The following LRRTM4 variants were observed in gnomAD, a reference collection of about 807,000 sequenced individuals.
The protein encoded by LRRTM4 is leucine rich repeat transmembrane neuronal 4, also known as leucine-rich repeat transmembrane neuronal protein 4.
Under a neutral mutation model 47.6 loss-of-function variants are expected in LRRTM4, and 25 were observed. The observed-to-expected ratio is 0.53, with a 90% CI of 0.38 to 0.73. The LOEUF is 0.73. LRRTM4 is among the 30% of genes least tolerant of loss of function. The pLI is 0.00. For missense variants in LRRTM4, 638 were observed against 713.4 expected (o/e 0.89, Z 1.20); for synonymous variants, 311 against 269.5 (o/e 1.15, Z -1.51).
At chr2:77,009,518 A>G (rs1468122480) in intron 3 of LRRTM4, 1 of 152,150 alleles carries the variant, frequency 6.6e-6, no homozygotes, top group Non-Finnish European at 1.5e-5. Flanking sequence ...ATTAGTAAAC[A>G]CATTTTCAAG....
intron 3 of LRRTM4, among the ~76,000 whole-genome samples, chr2:77,091,738 G>A (rs930354928): frequency 6.0e-5 from 9 of 149,794 alleles, no homozygotes; most frequent in East Asian, 2.0e-4. Context: ...ACTGCCTGCC[G>A]CAAAGCTTCA....
At chr2:76,882,483 G>A (rs779204099) in intron 3 of LRRTM4, among the ~76,000 whole-genome samples, 2 of 151,744 alleles carry the variant, frequency 1.3e-5, no homozygotes, top group Non-Finnish European at 2.9e-5. Flanking sequence ...CTTGAGCTTA[G>A]GAGTTCGAGA....
At chr2:77,367,151 C>A (rs13397057) in intron 3 of LRRTM4, among the ~76,000 whole-genome samples, 3,086 of 151,740 alleles carry the variant, frequency 0.02, 121 homozygotes, top group African/African-American at 0.071. Flanking sequence ...TCCTTGCCTT[C>A]GTCACCTAAT....
intron 3 of LRRTM4, among the ~76,000 whole-genome samples, chr2:77,116,277 A>G (rs1671387160): frequency 6.6e-6 from 1 of 152,156 alleles, no homozygotes; most frequent in African/African-American, 2.4e-5. Context: ...TGAAAAAAAA[A>G]AAGAAAATTC....
chr2:76,977,353 T>C (rs1676456216), intron 3 of LRRTM4, among the ~76,000 whole-genome samples: 1 of 151,780 alleles, frequency 6.6e-6, no homozygotes, highest in Non-Finnish European at 1.5e-5. Flanking sequence ...TCAATATAAA[T>C]ACAAACACCC....
intron 3 of LRRTM4, among the ~76,000 whole-genome samples, chr2:77,055,148 A>G (rs1247255478): frequency 6.6e-6 from 1 of 152,110 alleles, no homozygotes; most frequent in Non-Finnish European, 1.5e-5. Flanking sequence ...GCTGTCCAGC[A>G]CAGCGGTGCT....
chr2:77,167,502 C>T (rs1214853396), intron 3 of LRRTM4, among the ~76,000 whole-genome samples: 4 of 152,108 alleles, frequency 2.6e-5, no homozygotes, highest in East Asian at 1.9e-4. Context: ...CACATGCATA[C>T]GTATGTTTAT....
At chr2:77,102,036 C>T (rs2103912923) in intron 3 of LRRTM4, among the ~76,000 whole-genome samples, 1 of 152,316 alleles carries the variant, frequency 6.6e-6, no homozygotes, top group Non-Finnish European at 1.5e-5. Flanking sequence ...GGACTTTCTT[C>T]CTGTTTCCCA....
chr2:77,060,285 T>C (rs938756726), intron 3 of LRRTM4, among the ~76,000 whole-genome samples: 1 of 152,174 alleles, frequency 6.6e-6, no homozygotes, highest in South Asian at 2.1e-4. Flanking sequence ...CTGGTGATTT[T>C]TTGGGGGTGT....
chr2:77,482,316 T>C (rs1002071792), intron 3 of LRRTM4, among the ~76,000 whole-genome samples: 4 of 152,152 alleles, frequency 2.6e-5, no homozygotes, highest in Non-Finnish European at 5.9e-5. Flanking sequence ...GTAAATTGAA[T>C]ACCCTACATG....
intron 3 of LRRTM4, among the ~76,000 whole-genome samples, chr2:76,775,363 A>T (rs1673920954): frequency 6.6e-6 from 1 of 152,124 alleles, no homozygotes; most frequent in Non-Finnish European, 1.5e-5. Context: ...CCTGATCTAG[A>T]GATTGAATCA....
intron 3 of LRRTM4, among the ~76,000 whole-genome samples, chr2:77,185,512 C>G (rs1230945991): frequency 6.6e-6 from 1 of 152,040 alleles, no homozygotes; most frequent in Non-Finnish European, 1.5e-5. Context: ...TTTACTTTAC[C>G]TATACAGCAG....
At chr2:77,078,640 C>A (rs1680429032) in intron 3 of LRRTM4, among the ~76,000 whole-genome samples, 1 of 152,060 alleles carries the variant, frequency 6.6e-6, no homozygotes, top group South Asian at 2.1e-4. Context: ...CCTTTTGATT[C>A]ATTGACAAAA....
intron 3 of LRRTM4, among the ~76,000 whole-genome samples, chr2:77,428,498 T>C (rs188703647): frequency 4.6e-5 from 7 of 152,348 alleles, no homozygotes; most frequent in Admixed American, 4.6e-4. Context: ...TCCATAATTT[T>C]ATATTTGAGA....
chr2:77,088,711 T>C (rs1680815198), intron 3 of LRRTM4, among the ~76,000 whole-genome samples: 1 of 152,162 alleles, frequency 6.6e-6, no homozygotes, highest in Non-Finnish European at 1.5e-5. Flanking sequence ...GGACTTCCCC[T>C]AGGAGATCAA....
At chr2:77,337,537 T>A (rs1671211054) in intron 3 of LRRTM4, among the ~76,000 whole-genome samples, 1 of 152,074 alleles carries the variant, frequency 6.6e-6, no homozygotes, top group Non-Finnish European at 1.5e-5. Context: ...GCTGTTCTCA[T>A]GATAGTGAAC....
chr2:77,333,118 T>C (rs569269411), intron 3 of LRRTM4, among the ~76,000 whole-genome samples: 46 of 152,344 alleles, frequency 3.0e-4, no homozygotes, highest in Non-Finnish European at 5.0e-4. Flanking sequence ...TTTCACCTTC[T>C]GCCATTATTG....
intron 3 of LRRTM4, among the ~76,000 whole-genome samples, chr2:76,797,616 TA>T (rs1485266039): frequency 6.6e-6 from 1 of 150,712 alleles, no homozygotes; most frequent in African/African-American, 2.4e-5. Context: ...CACATAACAA[TA>T]TTAACTTTAA....
chr2:76,901,628 G>A (rs1240033244), intron 3 of LRRTM4, among the ~76,000 whole-genome samples: 2 of 152,126 alleles, frequency 1.3e-5, no homozygotes, highest in African/African-American at 4.8e-5. Context: ...GTTTAATTGA[G>A]ATCTAGAGAA....
Sources: allele counts gnomAD v4.1 joint callset (sites outside exome capture counted in the v4.1 genomes callset), GRCh38; gene constraint gnomAD v4.1.1; transcripts MANE v1.5; gene names NCBI Gene and HGNC (gene_info 2026-07-23, HGNC 2026-07-21).